Variants in TSHZ2 observed in about 807,000 individuals in gnomAD.
TSHZ2 encodes teashirt zinc finger homeobox 2.
TSHZ2 carries 21 observed loss-of-function variants against 74.4 expected under a neutral mutation model. The observed-to-expected ratio is 0.28, with a 90% CI of 0.20 to 0.41. The LOEUF is 0.41. TSHZ2 is among the 10% of genes least tolerant of loss of function. The probability of loss-of-function intolerance (pLI) is 1.00; values close to 1 mark genes in which losing one functional copy is unlikely to be tolerated. For missense variants in TSHZ2, 1,244 were observed against 1,293.5 expected (o/e 0.96, Z 0.59); for synonymous variants, 540 against 515.3 (o/e 1.05, Z -0.65).
At chr20:53,284,915 G>A (rs1991136401) in intron 2 of TSHZ2, among the ~76,000 whole-genome samples, 1 of 152,088 alleles carries the variant, frequency 6.6e-6, no homozygotes, top group Non-Finnish European at 1.5e-5. Flanking sequence ...AGGCCTGATC[G>A]TTTCAGTTCA....
intron 1 of TSHZ2, among the ~76,000 whole-genome samples, chr20:53,069,868 C>T (rs537281395): frequency 6.6e-6 from 1 of 152,090 alleles, no homozygotes; most frequent in South Asian, 2.1e-4. Flanking sequence ...TTGATCTGTT[C>T]TTGCTTAATG....
chr20:53,213,286 C>CA (rs1286509072), intron 1 of TSHZ2, among the ~76,000 whole-genome samples: 1 of 152,102 alleles, frequency 6.6e-6, no homozygotes. Context: ...AAATTTCATG[C>CA]AAAATTGTAC....
intron 2 of TSHZ2, among the ~76,000 whole-genome samples, chr20:53,301,602 C>T (rs574289911): frequency 5.9e-5 from 9 of 152,234 alleles, no homozygotes; most frequent in African/African-American, 1.7e-4. Flanking sequence ...AACCAAACGA[C>T]GTAGGAGCAA....
intron 1 of TSHZ2, among the ~76,000 whole-genome samples, chr20:53,010,828 T>C (rs938086911): frequency 1.3e-5 from 2 of 152,188 alleles, no homozygotes; most frequent in African/African-American, 4.8e-5. Context: ...TAATATTTTT[T>C]TATTTTTATT....
chr20:53,340,252 G>T (rs950963502), intron 2 of TSHZ2, among the ~76,000 whole-genome samples: 1 of 132,964 alleles, frequency 7.5e-6, no homozygotes, highest in South Asian at 2.4e-4. Context: ...GCACAATCTC[G>T]GCTCACTGCA....
At chr20:53,460,379 G>A (rs1985308051) in intron 2 of TSHZ2, among the ~76,000 whole-genome samples, 2 of 152,174 alleles carry the variant, frequency 1.3e-5, no homozygotes, top group Non-Finnish European at 2.9e-5. Flanking sequence ...TAGTTCTCCA[G>A]CCTTGGTTTT....
intron 2 of TSHZ2, among the ~76,000 whole-genome samples, chr20:53,465,288 T>TGA (rs1452765861): frequency 2.6e-5 from 4 of 151,942 alleles, no homozygotes; most frequent in Admixed American, 2.0e-4. Context: ...TGTGTGTGTG[T>TGA]GAGACAGAGT....
chr20:53,446,355 A>C (rs1984542660), intron 2 of TSHZ2, among the ~76,000 whole-genome samples: 1 of 149,958 alleles, frequency 6.7e-6, no homozygotes, highest in South Asian at 2.1e-4. Flanking sequence ...AGAGGTCAGG[A>C]GATTGAGACC....
chr20:52,991,409 G>A (rs1981985525), intron 1 of TSHZ2, among the ~76,000 whole-genome samples: 1 of 148,218 alleles, frequency 6.7e-6, no homozygotes, highest in Admixed American at 6.7e-5. Flanking sequence ...GTGTTGTGGG[G>A]GGAGAGAGTG....
At chr20:53,050,407 A>T (rs562771564) in intron 1 of TSHZ2, among the ~76,000 whole-genome samples, 1 of 152,148 alleles carries the variant, frequency 6.6e-6, no homozygotes, top group African/African-American at 2.4e-5. Context: ...CCTTAGTCTG[A>T]TACATTAGAT....
Position 53,099,190 on chromosome 20 carries a change from T to A in TSHZ2, c.40+125857T>A, listed in dbSNP as rs540245562. Among the ~76,000 whole-genome samples, 172 of 152,314 alleles carry A rather than the reference T, an allele frequency of 1.1e-3. 2 individuals are homozygous for A. The highest frequency in any genetic ancestry group is 1.8e-3 in the Non-Finnish European group (121 of 68,018). On this transcript the variant is annotated intron_variant, in intron 1 of 2. Coordinates refer to ENST00000371497, the MANE Select transcript of TSHZ2 (RefSeq NM_173485.6). ...GAAGACCCAAACAGGTGCAGGTCCT[T>A]TGAGCGAGGGTCAGGTGTGAAGGAT...
chr20:53,207,858 C>CTTTTTTTTT (rs58457116), intron 1 of TSHZ2, among the ~76,000 whole-genome samples: 13 of 96,682 alleles, frequency 1.3e-4, no homozygotes, highest in Non-Finnish European at 1.8e-4. Context: ...CATTGTTTTA[C>CTTTTTTTTT]TTTTTTTTTT....
In TSHZ2 at chr20:53,491,982, A is replaced by G. The variant is rs1215453202; in HGVS notation, c.*4847A>G. On this transcript the variant is annotated 3_prime_UTR_variant, in exon 3 of 3. Coordinates refer to ENST00000371497, the MANE Select transcript of TSHZ2 (RefSeq NM_173485.6). Reference sequence around the variant, plus strand: ...TGGTTATTTGCTTAAAACAGCTTTTAGAAGTACAAGTAATAACTTTTTGAT... The same window carrying G: ...TGGTTATTTGCTTAAAACAGCTTTTGGAAGTACAAGTAATAACTTTTTGAT... The G allele has an allele frequency of 6.6e-6, 1 of 152,100 alleles. No homozygotes were observed. The highest frequency in any genetic ancestry group is 1.9e-4 in the East Asian group (1 of 5,194). The allele number at this position is 152,100 out of a possible 1,614,324, so 9.4% of individuals were successfully genotyped here.
chr20:53,040,594 G>C (rs1984002794), intron 1 of TSHZ2, among the ~76,000 whole-genome samples: 1 of 148,034 alleles, frequency 6.8e-6, no homozygotes, highest in South Asian at 2.1e-4. Flanking sequence ...ATCTGTCCCT[G>C]GCCACGTGTT....
At chr20:53,472,411 T>A (rs560662097) in intron 2 of TSHZ2, among the ~76,000 whole-genome samples, 1 of 151,926 alleles carries the variant, frequency 6.6e-6, no homozygotes. Context: ...GAAAGTTGAG[T>A]CATATGAGTT....
intron 1 of TSHZ2, among the ~76,000 whole-genome samples, chr20:53,107,126 C>T (rs1271035106): frequency 6.6e-6 from 1 of 152,184 alleles, no homozygotes; most frequent in Non-Finnish European, 1.5e-5. Context: ...TATGGACATG[C>T]AGATGACTTG....
intron 1 of TSHZ2, among the ~76,000 whole-genome samples, chr20:52,976,096 T>G (rs1600625060): frequency 6.6e-6 from 1 of 152,256 alleles, no homozygotes; most frequent in Non-Finnish European, 1.5e-5. Flanking sequence ...TTCCTTTGTA[T>G]TATTAGTTAT....
intron 2 of TSHZ2, among the ~76,000 whole-genome samples, chr20:53,376,641 A>G (rs976163068): frequency 6.6e-6 from 1 of 152,134 alleles, no homozygotes; most frequent in African/African-American, 2.4e-5. Context: ...GGATTTCTCC[A>G]CTCATATCTG....
intron 1 of TSHZ2, chr20:53,178,181 C>T (rs569148363): frequency 6.6e-6 from 1 of 152,266 alleles, no homozygotes; most frequent in South Asian, 2.1e-4. Flanking sequence ...CTGGAAGGAC[C>T]CTATCATCTC....
Sources: gnomAD v4.1 joint callset for allele counts (sites outside exome capture counted in the v4.1 genomes callset) on GRCh38, gnomAD v4.1.1 for gene constraint, MANE v1.5 for transcripts, NCBI Gene and HGNC (gene_info 2026-07-23, HGNC 2026-07-21) for gene names.